HSD3B1: variants seen among roughly 807,000 people sequenced by gnomAD.
HSD3B1 encodes the protein 3 beta-hydroxysteroid dehydrogenase/Delta 5-->4-isomerase type 1.
HSD3B1 carries 11 observed loss-of-function variants against 10.4 expected under a neutral mutation model. That is an observed-to-expected ratio of 1.05 (90% confidence interval 0.66 to 1.75). The LOEUF is 1.75. HSD3B1 is among the 40% of genes most tolerant of loss of function. The pLI, the probability that HSD3B1 is intolerant of heterozygous loss-of-function variation, is 0.00. For synonymous variants in HSD3B1, 217 were observed against 185.4 expected (o/e 1.17, Z -1.39); for missense variants, 490 against 454.5 (o/e 1.08, Z -0.71).
At chr1:119,511,322 G>C (rs994546608) in intron 2 of HSD3B1, among the ~76,000 whole-genome samples, 181 bp from the exon 3 acceptor site, 1 of 152,182 alleles carries the variant, frequency 6.6e-6, no homozygotes, top group Non-Finnish European at 1.5e-5. Flanking sequence ...CTCTTTCCAA[G>C]AAATTGATAC....
At chr1:119,509,180 A>G (rs1178343412) in intron 2 of HSD3B1, among the ~76,000 whole-genome samples, 1 of 152,086 alleles carries the variant, frequency 6.6e-6, no homozygotes, top group Non-Finnish European at 1.5e-5. Flanking sequence ...GGAGATAGAA[A>G]CAGAGAGGTT....
Position 119,510,354 on chromosome 1 carries a change from T to C in HSD3B1, c.146-1149T>C, listed in dbSNP as rs587709538. Among the ~76,000 whole-genome samples the C allele has an allele frequency of 5.9e-5, 9 of 152,354 alleles. No homozygotes were observed. In the East Asian group the frequency reaches 7.7e-4, roughly 13 times the overall value. On this transcript the variant is annotated intron_variant, in intron 2 of 3. Transcript: ENST00000369413. ...AATAGTTTTCCAGGGAAATTCATCA[T>C]TGAAGCCCACCCACAATTCCTGAGT... is the stretch of plus-strand genomic sequence containing the variant.
At chr1:119,507,732 C>T in intron 2 of HSD3B1, 111 bp downstream of exon 2, 1 of 1,061,912 alleles carries the variant, frequency 9.4e-7, no homozygotes, top group Non-Finnish European at 1.5e-6. Context: ...AAATCTAAGC[C>T]AATCTCACAT....
At position 119,507,448 on chromosome 1, in the gene HSD3B1, G is replaced by A. The variant is rs775600173; in HGVS notation, c.-29G>A. On this transcript the variant is annotated 5_prime_UTR_variant, in exon 2 of 4. It adds an upstream start codon to the 5' untranslated region. Coordinates refer to ENST00000369413, the MANE Select transcript of HSD3B1 (RefSeq NM_000862.3). ...GCTCCCCAGCATCTTCTGTTTCCTG[G>A]TGAGTGATTCCTGCTACTTTGGATG... is the stretch of plus-strand genomic sequence containing the variant. 6.2e-7 allele frequency: 1 copy of A among 1,612,758 alleles called. No homozygotes were observed. Among genetic ancestry groups the A allele is most frequent in the South Asian group, 1.1e-5 (1 of 91,026 alleles).
Position 119,514,109 on chromosome 1 carries a change from C to T in HSD3B1, c.586C>T (p.Arg196Ter), listed in dbSNP as rs753437818. ...CATGTATATCTATGGGGAAGGAAGCCGATTCCTTTCTGCTAGTATAAACGA... is the reference window on the plus strand; with the variant it reads ...CATGTATATCTATGGGGAAGGAAGCTGATTCCTTTCTGCTAGTATAAACGA... ...RPMYIYGEGS[R>*]FLSASINEAL... Residue 196 changes from arginine to a stop codon, truncating the protein, a stop_gained, in exon 4 of 4, where the codon CGA becomes TGA. Coordinates refer to ENST00000369413, the MANE Select transcript of HSD3B1 (RefSeq NM_000862.3). LOFTEE classifies it low-confidence loss of function (END_TRUNC). The T allele has an allele frequency of 2.5e-6, 4 of 1,614,032 alleles. No homozygotes were observed. Among genetic ancestry groups the T allele is most frequent in the Middle Eastern group, 1.6e-4 (1 of 6,062 alleles).
intron 2 of HSD3B1, among the ~76,000 whole-genome samples, chr1:119,508,369 T>TA (rs1557894192): frequency 1.6e-4 from 24 of 145,568 alleles, no homozygotes; most frequent in Admixed American, 1.3e-3. Flanking sequence ...TGGCTTTTTT[T>TA]TAAAAAAAAA....
At position 119,511,550 on chromosome 1, in the gene HSD3B1, G is replaced by A; in HGVS notation, c.193G>A (p.Asp65Asn). 1 of 1,613,690 alleles carries A rather than the reference G, an allele frequency of 6.2e-7. No homozygotes were observed. The highest frequency in any genetic ancestry group is 8.5e-7 in the Non-Finnish European group (1 of 1,179,760). ...KLTVLEGDIL[D>N]EPFLKRACQD... ...GACAGTGCTGGAAGGAGACATTCTG[G>A]ATGAGCCATTCCTGAAGAGAGCCTG... Residue 65 changes from aspartate to asparagine, a missense_variant, in exon 3 of 4, where the codon GAT becomes AAT. Transcript: ENST00000369413.
At chr1:119,512,871 G>A (rs587686602) in intron 3 of HSD3B1, among the ~76,000 whole-genome samples, 1 of 152,154 alleles carries the variant, frequency 6.6e-6, no homozygotes, top group African/African-American at 2.4e-5. Flanking sequence ...TGTCTTTCCA[G>A]AAACTCAAAT....
At chr1:119,513,634 A>T in intron 3 of HSD3B1, among the ~76,000 whole-genome samples, 200 bp from the exon 4 acceptor site, 1 of 152,114 alleles carries the variant, frequency 6.6e-6, no homozygotes, top group East Asian at 1.9e-4. Context: ...CAGAACCCAC[A>T]TGTCAGTTTC....
At chr1:119,510,347 T>C (rs1653897487) in intron 2 of HSD3B1, among the ~76,000 whole-genome samples, 1 of 152,182 alleles carries the variant, frequency 6.6e-6, no homozygotes, top group African/African-American at 2.4e-5. Context: ...TCCAGGGAAA[T>C]TCATCATTGA....
Position 119,513,990 on chromosome 1 carries a change from C to T in HSD3B1, c.467C>T (p.Pro156Leu), listed in dbSNP as rs1654022166. Residue 156 changes from proline to leucine, a missense_variant, in exon 4 of 4, where the codon CCA (proline) becomes CTA (leucine). Coordinates refer to ENST00000369413, the MANE Select transcript of HSD3B1 (RefSeq NM_000862.3). ...PLENTWPAPYPHSKKLAEKAV... is the reference protein window; with the variant it reads ...PLENTWPAPYLHSKKLAEKAV... ...GAAAACACATGGCCCGCTCCATACC[C>T]ACACAGCAAAAAGCTTGCTGAGAAG... 2 of 1,613,996 alleles carry T rather than the reference C, an allele frequency of 1.2e-6. No homozygotes were observed. Among genetic ancestry groups the T allele is most frequent in the Admixed American group, 1.7e-5 (1 of 59,998 alleles).
intron 2 of HSD3B1, chr1:119,507,838 C>A (rs969285317): frequency 4.0e-6 from 2 of 499,812 alleles, no homozygotes; most frequent in East Asian, 7.4e-5. Flanking sequence ...TGGCCCTGAC[C>A]CAGAACTTGA....
chr1:119,507,758 A>G (rs1653831267), intron 2 of HSD3B1, 137 bp downstream of exon 2: 1 of 844,824 alleles, frequency 1.2e-6, no homozygotes, highest in Non-Finnish European at 2.0e-6. Flanking sequence ...GTCATCAAGA[A>G]ATAAATATTA....
At chr1:119,507,836 A>C in intron 2 of HSD3B1, 1 of 501,150 alleles carries the variant, frequency 2.0e-6, no homozygotes, top group Non-Finnish European at 3.5e-6. Flanking sequence ...TCTGGCCCTG[A>C]CCCAGAACTT....
intron 2 of HSD3B1, among the ~76,000 whole-genome samples, chr1:119,510,902 A>C (rs757003893): frequency 1.3e-5 from 2 of 150,744 alleles, no homozygotes; most frequent in African/African-American, 2.4e-5. Context: ...ACATGCCACC[A>C]TGCCCAGCTA....
At position 119,514,346 on chromosome 1, in the gene HSD3B1, G is replaced by C. The variant is rs1488278441; in HGVS notation, c.823G>C (p.Glu275Gln). 5 of 1,614,150 alleles carry C rather than the reference G, an allele frequency of 3.1e-6. No individual in the cohort carries two copies. Among genetic ancestry groups the C allele is most frequent in the Non-Finnish European group, 4.2e-6 (5 of 1,180,028 alleles). Residue 275 changes from glutamate to glutamine, a missense_variant, in exon 4 of 4, where the codon GAG becomes CAG. Coordinates refer to ENST00000369413, the MANE Select transcript of HSD3B1 (RefSeq NM_000862.3). Reference protein sequence around the residue: ...YDNLNYTLSKEFGLRLDSRWS... With the variant: ...YDNLNYTLSKQFGLRLDSRWS... Reference sequence around the variant, plus strand: ...TAACCTTAATTACACCCTGAGCAAAGAGTTCGGCCTCCGCCTTGATTCCAG... The same window carrying C: ...TAACCTTAATTACACCCTGAGCAAACAGTTCGGCCTCCGCCTTGATTCCAG...
chr1:119,510,199 C>G lies in HSD3B1; in HGVS notation c.146-1304C>G, dbSNP rs192271286. Among the ~76,000 whole-genome samples the G allele has an allele frequency of 8.5e-4, 130 of 152,324 alleles. 2 individuals are homozygous for G. The Middle Eastern group carries it at 0.017, about 20-fold the overall frequency. ...GACAACCTTACTGGCAGCGTCACTT[C>G]CTGTGGATTTCAGAGGAACCTGAAG... On this transcript the variant is annotated intron_variant, in intron 2 of 3. Coordinates refer to ENST00000369413, the MANE Select transcript of HSD3B1 (RefSeq NM_000862.3).
rs772688126 is a variant in HSD3B1 at position 119,514,272 on chromosome 1, G to C, written c.749G>C (p.Arg250Pro). The C allele has an allele frequency of 2.5e-6, 4 of 1,613,972 alleles. No individual in the cohort carries two copies. The highest frequency in any genetic ancestry group is 2.7e-5 in the African/African-American group (2 of 74,908). The change falls in exon 4 of 4, where the codon CGA (arginine) becomes CCA (proline). Residue 250 changes from arginine (R) to proline (P), a missense_variant. Physicochemically the swap from Arg to Pro is moderately radical, Grantham distance 103. Coordinates refer to ENST00000369413, the MANE Select transcript of HSD3B1 (RefSeq NM_000862.3). ...LQDPKKAPSIRGQFYYISDDT... is the reference protein window; with the variant it reads ...LQDPKKAPSIPGQFYYISDDT... Reference sequence around the variant, plus strand: ...GACCCCAAGAAGGCCCCAAGCATCCGAGGACAGTTCTACTATATCTCAGAT... The same window carrying C: ...GACCCCAAGAAGGCCCCAAGCATCCCAGGACAGTTCTACTATATCTCAGAT...
Position 119,513,886 on chromosome 1 carries a change from C to T in HSD3B1, c.363C>T (p.Ile121=), listed in dbSNP as rs1419428795. 2 of 1,613,998 alleles carry T rather than the reference C, an allele frequency of 1.2e-6. No individual in the cohort carries two copies. Among genetic ancestry groups the T allele is most frequent in the South Asian group, 1.1e-5 (1 of 91,070 alleles). ...TCCAAGCTAGTGTGCCAGTCTTCAT[C>T]TACACCAGTAGCATAGAGGTAGCCG... ...ACVQASVPVF[I]YTSSIEVAGP... Residue 121 remains isoleucine, a synonymous_variant, in exon 4 of 4, where the codon ATC becomes ATT. Coordinates refer to ENST00000369413, the MANE Select transcript of HSD3B1 (RefSeq NM_000862.3).
Sources: allele counts gnomAD v4.1 joint callset (sites outside exome capture counted in the v4.1 genomes callset), GRCh38; gene constraint gnomAD v4.1.1; transcripts MANE v1.5; gene names NCBI Gene and HGNC (gene_info 2026-07-23, HGNC 2026-07-21).